EZH2: variants seen among roughly 807,000 people sequenced by gnomAD.
The protein encoded by EZH2 is histone-lysine N-methyltransferase EZH2.
In EZH2, 18 loss-of-function variants were observed where a neutral mutation model predicts 98.4. The observed-to-expected ratio is 0.18, with a 90% confidence interval of 0.13 to 0.27. The LOEUF (loss-of-function observed/expected upper bound fraction) is 0.27. Ranked by LOEUF, EZH2 falls within the 10% of genes least tolerant of loss-of-function variation. EZH2 has a pLI of 1.00. For synonymous variants in EZH2, 338 were observed against 312.3 expected (o/e 1.08, Z -0.87); for missense variants, 470 against 935.1 (o/e 0.50, Z 6.49).
chr7:148,866,503 TATATACATATATATGTGTATATAC>T lies in EZH2; in HGVS notation c.-8+17637_-8+17660del, dbSNP rs1246398381. 3.4e-3 allele frequency among the ~76,000 whole-genome samples: 328 copies of T among 97,526 alleles called. 2 individuals carry two copies. Among genetic ancestry groups the T allele is most frequent in the Non-Finnish European group, 5.7e-3 (269 of 47,144 alleles). 64.0% of individuals were successfully genotyped at this position (97,526 alleles called of 152,430 possible). On this transcript the variant is annotated intron_variant, in intron 1 of 19. Transcript: ENST00000320356. ...CAAAACTGTGAAAAATATATATACG[TATATACATATATATGTGTATATAC>T]ATATATATACGTATATACATATATA...
At chr7:148,810,561 G>A (rs559529438) in intron 16 of EZH2, 147 bp from the exon 17 acceptor site, 25 of 536,130 alleles carry the variant, frequency 4.7e-5, no homozygotes, top group South Asian at 1.9e-4. Context: ...TTTCCCATTC[G>A]GTCTGCGCAG....
At chr7:148,848,589 T>A (rs759223307) in intron 1 of EZH2, among the ~76,000 whole-genome samples, 1 of 152,132 alleles carries the variant, frequency 6.6e-6, no homozygotes, top group African/African-American at 2.4e-5. Flanking sequence ...CACCAACAGA[T>A]GACAGAGAAG....
intron 1 of EZH2, among the ~76,000 whole-genome samples, chr7:148,852,584 T>A (rs1816029468): frequency 2.0e-5 from 3 of 152,156 alleles, no homozygotes; most frequent in African/African-American, 7.2e-5. Context: ...ACAAGAATGC[T>A]CACTCTTCTC....
At chr7:148,857,641 C>T (rs1008692729) in intron 1 of EZH2, among the ~76,000 whole-genome samples, 6 of 152,204 alleles carry the variant, frequency 3.9e-5, no homozygotes, top group African/African-American at 1.4e-4. Context: ...ATCCCAGCTA[C>T]TTGGGAGGCT....
intron 1 of EZH2, among the ~76,000 whole-genome samples, chr7:148,848,947 C>G (rs1814937702): frequency 6.6e-6 from 1 of 151,804 alleles, no homozygotes; most frequent in Non-Finnish European, 1.5e-5. Flanking sequence ...ACCTGGCTTC[C>G]TGGGATATAA....
intron 3 of EZH2, among the ~76,000 whole-genome samples, chr7:148,836,343 C>T (rs1244897131): frequency 2.6e-5 from 4 of 152,172 alleles, no homozygotes; most frequent in Non-Finnish European, 1.5e-5. Context: ...TTAACCGTAA[C>T]TAACAACCAT....
chr7:148,877,609 A>T (rs1820354913), intron 1 of EZH2, among the ~76,000 whole-genome samples: 1 of 152,188 alleles, frequency 6.6e-6, no homozygotes, highest in African/African-American at 2.4e-5. Context: ...ATAACACCCC[A>T]GACACAAATT....
At chr7:148,858,688 G>A (rs1469538517) in intron 1 of EZH2, among the ~76,000 whole-genome samples, 1 of 151,932 alleles carries the variant, frequency 6.6e-6, no homozygotes, top group Non-Finnish European at 1.5e-5. Context: ...ACCACACCCA[G>A]CTAATTTTTT....
chr7:148,812,699 T>A (rs1328171779), intron 15 of EZH2, among the ~76,000 whole-genome samples: 1 of 152,142 alleles, frequency 6.6e-6, no homozygotes, highest in Non-Finnish European at 1.5e-5. Flanking sequence ...AATGGTAAGT[T>A]GTTTGGGGGG....
chr7:148,813,100 G>A (rs1417459819), intron 15 of EZH2, among the ~76,000 whole-genome samples: 3 of 151,546 alleles, frequency 2.0e-5, no homozygotes, highest in Non-Finnish European at 2.9e-5. Flanking sequence ...ATAAGAGCAG[G>A]TTAATGGGAG....
chr7:148,809,221 C>G (rs1410119283), intron 18 of EZH2, 66 bp from the exon 19 acceptor site: 1 of 1,586,182 alleles, frequency 6.3e-7, no homozygotes, highest in Non-Finnish European at 8.7e-7. Context: ...CTGACTTGTT[C>G]ACATAACAAA....
chr7:148,874,608 T>C (rs914674226), intron 1 of EZH2, among the ~76,000 whole-genome samples: 1 of 152,176 alleles, frequency 6.6e-6, no homozygotes, highest in Non-Finnish European at 1.5e-5. Flanking sequence ...TTTTTTTCTT[T>C]GTTAAACAGG....
chr7:148,833,895 C>T (rs1345229517), intron 3 of EZH2, among the ~76,000 whole-genome samples: 2 of 152,104 alleles, frequency 1.3e-5, no homozygotes, highest in Non-Finnish European at 2.9e-5. Context: ...CTGCTCTTCC[C>T]GCTCCTTATA....
At chr7:148,858,599 A>T (rs1281307638) in intron 1 of EZH2, among the ~76,000 whole-genome samples, 3 of 152,168 alleles carry the variant, frequency 2.0e-5, no homozygotes, top group African/African-American at 7.2e-5. Flanking sequence ...ATCCCAACTC[A>T]CTGAAGCCTC....
chr7:148,879,469 T>A (rs1211690800), intron 1 of EZH2, among the ~76,000 whole-genome samples: 3 of 151,844 alleles, frequency 2.0e-5, no homozygotes. Context: ...GGCAGGTGGA[T>A]CACCTGAGGT....
At chr7:148,854,773 AT>A (rs2129487093) in intron 1 of EZH2, among the ~76,000 whole-genome samples, 1 of 152,346 alleles carries the variant, frequency 6.6e-6, no homozygotes, top group South Asian at 2.1e-4. Context: ...GCCTGTTTGT[AT>A]GTTTAAATGC....
chr7:148,829,671 A>C, intron 5 of EZH2, 57 bp downstream of exon 5: 3 of 1,580,672 alleles, frequency 1.9e-6, no homozygotes, highest in African/African-American at 1.4e-5. Context: ...CTTCATAAAC[A>C]AAAGTGTCTC....
intron 1 of EZH2, among the ~76,000 whole-genome samples, chr7:148,880,738 T>TA (rs1820831849): frequency 2.0e-5 from 3 of 152,218 alleles, no homozygotes; most frequent in African/African-American, 7.2e-5. Flanking sequence ...CTTTGTCAAA[T>TA]TATTTCCCTA....
intron 3 of EZH2, chr7:148,836,960 T>C: frequency 2.0e-6 from 1 of 506,744 alleles, no homozygotes. Flanking sequence ...AAGTAAAAAC[T>C]GTGTTATGGA....
Sources: gnomAD v4.1 joint callset for allele counts (sites outside exome capture counted in the v4.1 genomes callset) on GRCh38, gnomAD v4.1.1 for gene constraint, MANE v1.5 for transcripts, NCBI Gene and HGNC (gene_info 2026-07-23, HGNC 2026-07-21) for gene names.